The following SPIC variants were observed in gnomAD, a reference collection of about 807,000 sequenced individuals.
SPIC encodes transcription factor Spi-C.
In SPIC, 9 loss-of-function variants were observed where a neutral mutation model predicts 16.7. The observed-to-expected ratio is 0.54, with a 90% CI of 0.33 to 0.94. The LOEUF is 0.94. Ranked by LOEUF, SPIC falls within the 40% of genes least tolerant of loss-of-function variation. The pLI is 0.03. For missense variants in SPIC, 241 were observed against 285.8 expected, an observed-to-expected ratio of 0.84 and a Z score of 1.13; for synonymous variants, 97 against 102.9, an observed-to-expected ratio of 0.94 and a Z score of 0.35.
chr12:101,481,332 A>G (rs1019159393), intron 4 of SPIC, among the ~76,000 whole-genome samples: 1 of 151,900 alleles, frequency 6.6e-6, no homozygotes, highest in Admixed American at 6.6e-5. Context: ...GACTATAGAC[A>G]TGTGCCACCA....
intron 5 of SPIC, among the ~76,000 whole-genome samples, chr12:101,485,126 A>C (rs1458239553): frequency 1.3e-5 from 2 of 152,242 alleles, no homozygotes; most frequent in Non-Finnish European, 2.9e-5. Flanking sequence ...TGATAAATGC[A>C]TCATGCAAGA....
chr12:101,476,997 C>A, intron 2 of SPIC, 90 bp downstream of exon 2: 1 of 677,686 alleles, frequency 1.5e-6, no homozygotes, highest in Non-Finnish European at 2.3e-6. Flanking sequence ...TACTCTCCCT[C>A]CATTTTAAAA....
intron 4 of SPIC, among the ~76,000 whole-genome samples, chr12:101,481,686 G>A (rs1236618054): frequency 6.6e-6 from 1 of 151,354 alleles, no homozygotes; most frequent in African/African-American, 2.4e-5. Flanking sequence ...GCTAATTTTT[G>A]TATTTTTAGT....
At position 101,486,631 on chromosome 12, in the gene SPIC, C is replaced by G. The variant is rs773886703; in HGVS notation, c.607C>G (p.Pro203Ala). ...TGAGGCCATTCTCCAAAGACTCTCT[C>G]CATCCTATTTCCTGGGGAAAGAGAT... ...FSEAILQRLS[P>A]SYFLGKEIFY... Residue 203 changes from proline to alanine, a missense_variant, in exon 6 of 6, where the codon CCA (proline) becomes GCA (alanine). Coordinates refer to ENST00000551346, the MANE Select transcript of SPIC (RefSeq NM_152323.3). 26 of 1,613,970 alleles carry G rather than the reference C, an allele frequency of 1.6e-5. No homozygotes were observed. The highest frequency in any genetic ancestry group is 2.0e-5 in the Non-Finnish European group (24 of 1,179,880).
chr12:101,477,113 T>C (rs1872981172), intron 2 of SPIC, among the ~76,000 whole-genome samples: 1 of 152,246 alleles, frequency 6.6e-6, no homozygotes, highest in Non-Finnish European at 1.5e-5. Context: ...CAACAATTCA[T>C]AGGTTCTGTT....
rs576948063 is a variant in SPIC at position 101,482,697 on chromosome 12, G to A, written c.211-95G>A. 1.4e-5 allele frequency: 17 copies of A among 1,193,162 alleles called. No homozygotes were observed. The East Asian group carries it at 2.6e-4, about 18-fold the overall frequency. The allele number at this position is 1,193,162 out of a possible 1,614,324, so 73.9% of individuals were successfully genotyped here. The stretch of plus-strand genomic sequence containing the variant: ...TAATTCCTTTTGCAATCTGGGAGAC[G>A]CTTAGCCTCTTTTTCCCCTAACTTT... On this transcript the variant is annotated intron_variant, in intron 4 of 5. Transcript: ENST00000551346.
intron 5 of SPIC, among the ~76,000 whole-genome samples, chr12:101,485,635 T>C (rs1873340755): frequency 6.6e-6 from 1 of 152,244 alleles, no homozygotes; most frequent in Non-Finnish European, 1.5e-5. Context: ...CATTCTATTT[T>C]GCATTTTACA....
At chr12:101,475,796 T>C (rs1407505960) in intron 1 of SPIC, among the ~76,000 whole-genome samples, 1 of 152,154 alleles carries the variant, frequency 6.6e-6, no homozygotes, top group Non-Finnish European at 1.5e-5. Flanking sequence ...TAATTGAAAA[T>C]CACTGACATG....
chr12:101,476,918 AT>A lies in SPIC; in HGVS notation c.3+15del. On this transcript the variant is annotated intron_variant, in intron 2 of 5. Transcript: ENST00000551346. Reference sequence around the variant, plus strand: ...TATTAATGAAATATGGTAAGCTGACATTTTAATATTTTCTTTACTCTGTCCA... The same window carrying A: ...TATTAATGAAATATGGTAAGCTGACATTTAATATTTTCTTTACTCTGTCCA... 6.9e-7 allele frequency: 1 copy of A among 1,455,008 alleles called. No individual in the cohort carries two copies. The highest frequency in any genetic ancestry group is 9.1e-7 in the Non-Finnish European group (1 of 1,093,338). The allele number at this position is 1,455,008 out of a possible 1,614,324, so 90.1% of individuals were successfully genotyped here. A position where few individuals can be genotyped will look rare whatever the true frequency, so the allele number is the denominator to read the frequency against.
chr12:101,482,708 T>C, intron 4 of SPIC, 84 bp from the exon 5 acceptor site: 1 of 1,332,364 alleles, frequency 7.5e-7, no homozygotes, highest in South Asian at 1.4e-5. Flanking sequence ...CTTAGCCTCT[T>C]TTTCCCCTAA....
At chr12:101,484,487 G>C (rs1873303243) in intron 5 of SPIC, among the ~76,000 whole-genome samples, 1 of 151,928 alleles carries the variant, frequency 6.6e-6, no homozygotes, top group African/African-American at 2.4e-5. Context: ...AGTGAGCCAA[G>C]ATCAAGCCAC....
At chr12:101,481,950 G>C (rs1873213632) in intron 4 of SPIC, among the ~76,000 whole-genome samples, 1 of 132,870 alleles carries the variant, frequency 7.5e-6, no homozygotes. Flanking sequence ...ACCATGCCTG[G>C]CGTACAAAAA....
chr12:101,481,468 C>A (rs1421372472), intron 4 of SPIC, among the ~76,000 whole-genome samples: 1 of 151,932 alleles, frequency 6.6e-6, no homozygotes, highest in East Asian at 1.9e-4. Context: ...CTCGGCCTCC[C>A]AAGTAGGTGG....
At chr12:101,485,729 T>G (rs1352335186) in intron 5 of SPIC, among the ~76,000 whole-genome samples, 1 of 152,244 alleles carries the variant, frequency 6.6e-6, no homozygotes, top group East Asian at 1.9e-4. Flanking sequence ...GAGGCTTCTC[T>G]TCGAAACTGC....
chr12:101,485,031 T>C (rs1396832597), intron 5 of SPIC, among the ~76,000 whole-genome samples: 1 of 152,182 alleles, frequency 6.6e-6, no homozygotes, highest in Non-Finnish European at 1.5e-5. Context: ...TTTTGGTAAG[T>C]CCCTTTCATT....
rs992823946 is a variant in SPIC, at chr12:101,479,651, T to C, written c.167T>C (p.Val56Ala). The part of the protein sequence containing the change: ...HVKGNSSCYG[V>A]LPTEEPVYNW... ...AAAGGAAATTCCAGCTGCTATGGAGTGTTGCCTACAGAGGAGCCTGTCTAT... is the reference window on the plus strand; with the variant it reads ...AAAGGAAATTCCAGCTGCTATGGAGCGTTGCCTACAGAGGAGCCTGTCTAT... The change falls in exon 4 of 6, where the codon GTG (valine) becomes GCG (alanine). Residue 56 changes from valine (V) to alanine (A), a missense_variant. Val to Ala is a moderately conservative substitution (Grantham distance 64). Transcript: ENST00000551346. 8.1e-6 allele frequency: 13 copies of C among 1,613,534 alleles called. No individual in the cohort carries two copies. In the East Asian group the frequency reaches 2.0e-4, roughly 25 times the overall value.
intron 5 of SPIC, among the ~76,000 whole-genome samples, chr12:101,485,577 T>C (rs748052231): frequency 1.1e-4 from 17 of 152,198 alleles, no homozygotes; most frequent in Non-Finnish European, 1.9e-4. Context: ...AGTTAGCACT[T>C]TTACCTAGGT....
At chr12:101,478,157 G>A (rs962546814) in intron 3 of SPIC, among the ~76,000 whole-genome samples, 4 of 147,780 alleles carry the variant, frequency 2.7e-5, no homozygotes, top group Non-Finnish European at 3.0e-5. Flanking sequence ...TCAGCCTCCC[G>A]AGTAGCTGGG....
intron 3 of SPIC, among the ~76,000 whole-genome samples, 199 bp from the exon 4 acceptor site, chr12:101,479,383 G>T (rs570386764): frequency 2.6e-5 from 4 of 152,084 alleles, no homozygotes; most frequent in Admixed American, 1.3e-4. Flanking sequence ...CCTGCAAGGA[G>T]CATGTTCTCC....
Sources: allele counts gnomAD v4.1 joint callset (sites outside exome capture counted in the v4.1 genomes callset), GRCh38; gene constraint gnomAD v4.1.1; transcripts MANE v1.5; gene names NCBI Gene and HGNC (gene_info 2026-07-23, HGNC 2026-07-21).